HLCS: variants seen among roughly 807,000 people sequenced by gnomAD.
HLCS encodes holocarboxylase synthetase, also known as biotin--protein ligase.
A neutral mutation model predicts 75.0 loss-of-function variants in HLCS; 53 were observed. That is an observed-to-expected ratio of 0.71 (90% confidence interval 0.57 to 0.89). HLCS has a LOEUF of 0.89. HLCS is among the 40% of genes least tolerant of loss of function. The probability of loss-of-function intolerance (pLI) is 0.00; values close to 1 mark genes in which losing one functional copy is unlikely to be tolerated. For synonymous variants in HLCS, 431 were observed against 428.6 expected, an observed-to-expected ratio of 1.01 and a Z score of -0.07; for missense variants, 966 against 1,074.0, an observed-to-expected ratio of 0.90 and a Z score of 1.41.
intron 5 of HLCS, among the ~76,000 whole-genome samples, chr21:36,929,632 G>C (rs567518160): frequency 1.6e-4 from 25 of 152,192 alleles, no homozygotes; most frequent in Admixed American, 1.3e-3. Flanking sequence ...GAAGACAACA[G>C]AAATAGACAA....
intron 6 of HLCS, among the ~76,000 whole-genome samples, chr21:36,859,510 G>C (rs910631389): frequency 6.6e-6 from 1 of 152,224 alleles, no homozygotes; most frequent in African/African-American, 2.4e-5. Flanking sequence ...AAGAGGAGAG[G>C]GGAGCAGGAC....
At chr21:36,775,856 G>A (rs115601169) in intron 6 of HLCS, among the ~76,000 whole-genome samples, 2,345 of 152,290 alleles carry the variant, frequency 0.015, 63 homozygotes, top group African/African-American at 0.053. Flanking sequence ...GCAAGCAGAT[G>A]TCTGCGAACA....
At position 36,748,780 on chromosome 21, in the gene HLCS, T is replaced by A. The variant is rs2089275227; in HGVS notation, c.*5466A>T. 1 of 152,628 alleles carries A rather than the reference T, an allele frequency of 6.6e-6. No individual in the cohort carries two copies. The highest frequency in any genetic ancestry group is 2.1e-4 in the South Asian group (1 of 4,824). 9.5% of individuals were successfully genotyped at this position (152,628 alleles called of 1,614,324 possible). A position where few individuals can be genotyped will look rare whatever the true frequency, so the allele number is the denominator to read the frequency against. On this transcript the variant is annotated 3_prime_UTR_variant, in exon 11 of 11. Transcript: ENST00000674895. ...AGCTCTTACTTCCCCCTAACCCCTA[T>A]GAACTCTTGATAACACCAAGAGTAG...
chr21:36,954,794 G>A (rs949391676), intron 2 of HLCS, among the ~76,000 whole-genome samples: 1 of 152,064 alleles, frequency 6.6e-6, no homozygotes. Flanking sequence ...TGGGTGTGGT[G>A]CCTCATGCCT....
rs1276204596 is a variant in HLCS at position 36,788,398 on chromosome 21, C to T, written c.1893-21113G>A. On this transcript the variant is annotated intron_variant, in intron 6 of 10. Transcript: ENST00000674895. ...CCATCGGAACTTAGGGCTGACGGGC[C>T]TCCAGACCTACTGTTACACACTGGC... Among the ~76,000 whole-genome samples, 4 of 152,240 alleles carry T rather than the reference C, an allele frequency of 2.6e-5. No homozygotes were observed. In the South Asian group the frequency reaches 8.3e-4, roughly 32 times the overall value.
At chr21:36,926,010 T>C (rs1398433295) in intron 5 of HLCS, among the ~76,000 whole-genome samples, 1 of 152,216 alleles carries the variant, frequency 6.6e-6, no homozygotes, top group African/African-American at 2.4e-5. Flanking sequence ...ACAGTAAAGA[T>C]GTATTGCTGC....
chr21:36,857,802 T>C (rs1240150317), intron 6 of HLCS, among the ~76,000 whole-genome samples: 1 of 152,156 alleles, frequency 6.6e-6, no homozygotes, highest in Non-Finnish European at 1.5e-5. Flanking sequence ...GTTGTTGTTG[T>C]TTTTTGAGAT....
chr21:36,923,975 T>C (rs1021908271), intron 5 of HLCS, among the ~76,000 whole-genome samples: 1 of 152,234 alleles, frequency 6.6e-6, no homozygotes, highest in Non-Finnish European at 1.5e-5. Context: ...ATCTGCTAGC[T>C]GCCTTTAGCC....
intron 2 of HLCS, among the ~76,000 whole-genome samples, chr21:36,939,445 T>G (rs2067042118): frequency 6.6e-6 from 1 of 152,134 alleles, no homozygotes; most frequent in Non-Finnish European, 1.5e-5. Context: ...ACATGAGACC[T>G]TCAGAGTCCC....
At chr21:36,971,128 G>A (rs1372440225), upstream of HLCS, among the ~76,000 whole-genome samples, 1 of 152,042 alleles carries the variant, frequency 6.6e-6, no homozygotes, top group Non-Finnish European at 1.5e-5. Context: ...TCAAAATAAA[G>A]AGAAAAGTAG....
intron 6 of HLCS, among the ~76,000 whole-genome samples, chr21:36,888,134 A>AG (rs1052577576): frequency 3.7e-4 from 57 of 152,180 alleles, no homozygotes; most frequent in African/African-American, 1.3e-3. Context: ...ATGTAGACAA[A>AG]GACCCCTATT....
At chr21:36,790,788 G>T (rs537490193) in intron 6 of HLCS, among the ~76,000 whole-genome samples, 1 of 152,224 alleles carries the variant, frequency 6.6e-6, no homozygotes, top group African/African-American at 2.4e-5. Context: ...TGGCAGGGCA[G>T]TGTTTCTGTC....
At chr21:36,766,947 A>G (rs1255876231) in intron 7 of HLCS, among the ~76,000 whole-genome samples, 2 of 152,194 alleles carry the variant, frequency 1.3e-5, no homozygotes. Flanking sequence ...AAAGCCCGGA[A>G]TTCATGTAGG....
chr21:36,823,128 T>C (rs1037178494), intron 6 of HLCS, among the ~76,000 whole-genome samples: 1 of 152,210 alleles, frequency 6.6e-6, no homozygotes, highest in Non-Finnish European at 1.5e-5. Context: ...TTCAGAAGTG[T>C]TAAAATGTGT....
chr21:36,952,396 T>C (rs1030533983), intron 2 of HLCS, among the ~76,000 whole-genome samples: 1 of 152,200 alleles, frequency 6.6e-6, no homozygotes, highest in African/African-American at 2.4e-5. Flanking sequence ...TAGCTCCTGG[T>C]TGCAAGACCC....
At chr21:36,930,564 T>G in intron 4 of HLCS, 131 bp from the exon 5 acceptor site, 1 of 780,062 alleles carries the variant, frequency 1.3e-6, no homozygotes, top group Non-Finnish European at 2.0e-6. Context: ...AGGCTGGTCT[T>G]GAACTCCTGG....
intron 5 of HLCS, among the ~76,000 whole-genome samples, chr21:36,908,775 C>T (rs959378158): frequency 3.9e-5 from 6 of 152,148 alleles, no homozygotes; most frequent in Non-Finnish European, 5.9e-5. Context: ...GAAGGGTATC[C>T]AGTACACTAT....
intron 6 of HLCS, among the ~76,000 whole-genome samples, chr21:36,879,981 C>G (rs1184610625): frequency 6.6e-6 from 1 of 151,730 alleles, no homozygotes; most frequent in Non-Finnish European, 1.5e-5. Context: ...TGCCCAGTAT[C>G]TGGTGCTCAG....
chr21:36,833,402 T>C (rs2062284449), intron 6 of HLCS, among the ~76,000 whole-genome samples: 1 of 151,146 alleles, frequency 6.6e-6, no homozygotes, highest in Admixed American at 6.6e-5. Context: ...CTGGCCAACA[T>C]GGTGAAGCCC....
Sources: allele counts gnomAD v4.1 joint callset (sites outside exome capture counted in the v4.1 genomes callset), GRCh38; gene constraint gnomAD v4.1.1; transcripts MANE v1.5; gene names NCBI Gene and HGNC (gene_info 2026-07-23, HGNC 2026-07-21).